Variants in DGKE observed in about 807,000 individuals in gnomAD.
DGKE encodes the protein diacylglycerol kinase epsilon.
A neutral mutation model predicts 70.0 loss-of-function variants in DGKE; 53 were observed. The ratio of observed to expected loss-of-function variants is 0.76; its 90% CI spans 0.61 to 0.95. The LOEUF is 0.95. DGKE is among the 40% of genes least tolerant of loss of function. The probability of loss-of-function intolerance (pLI) is 0.00; values close to 1 mark genes in which losing one functional copy is unlikely to be tolerated. For missense variants in DGKE, 655 were observed against 706.9 expected (o/e 0.93, Z 0.83); for synonymous variants, 291 against 257.0 (o/e 1.13, Z -1.27).
In DGKE at chr17:56,861,800, G is replaced by A. The variant is rs1362392162; in HGVS notation, c.1294G>A (p.Asp432Asn). The change falls in exon 10 of 12, where the codon GAT becomes AAT. Residue 432 changes from aspartate to asparagine, a missense_variant. Asp to Asn is a conservative substitution (Grantham distance 23). Coordinates refer to ENST00000284061, the MANE Select transcript of DGKE (RefSeq NM_003647.3). Reference sequence around the variant, plus strand: ...TTGTATTTCTTTAAAGCTAGAACTGGATGGTGAGCGAGTAGCACTGCCCAG... The same window carrying A: ...TTGTATTTCTTTAAAGCTAGAACTGAATGGTGAGCGAGTAGCACTGCCCAG... ...DLNKKVELELDGERVALPSLE... is the reference protein window; with the variant it reads ...DLNKKVELELNGERVALPSLE... 54 of 1,612,650 alleles carry A rather than the reference G, an allele frequency of 3.3e-5. No homozygotes were observed. Among genetic ancestry groups the A allele is most frequent in the Non-Finnish European group, 4.6e-5 (54 of 1,179,710 alleles).
intron 7 of DGKE, among the ~76,000 whole-genome samples, chr17:56,853,948 G>A (rs747421017): frequency 7.4e-5 from 11 of 149,570 alleles, no homozygotes; most frequent in Non-Finnish European, 1.2e-4. Flanking sequence ...TTTTAAGTAT[G>A]CCATATATAC....
intron 3 of DGKE, 127 bp downstream of exon 3, chr17:56,844,305 C>A (rs1907162874): frequency 1.7e-6 from 1 of 601,898 alleles, no homozygotes; most frequent in Non-Finnish European, 2.5e-6. Context: ...AATAACAGAT[C>A]AAGACCAAGG....
chr17:56,861,974 T>A (rs1908321288), intron 10 of DGKE, 56 bp downstream of exon 10: 1 of 1,541,652 alleles, frequency 6.5e-7, no homozygotes, highest in African/African-American at 1.4e-5. Flanking sequence ...AAGCAATCTC[T>A]TGTTTATAGA....
intron 2 of DGKE, among the ~76,000 whole-genome samples, chr17:56,840,113 G>A (rs554204422): frequency 1.8e-4 from 27 of 152,202 alleles, no homozygotes; most frequent in Admixed American, 3.9e-4. Context: ...GCTGTGAGCC[G>A]AGATCGCGCC....
chr17:56,859,017 A>G (rs1051933466), intron 9 of DGKE, among the ~76,000 whole-genome samples: 10 of 152,200 alleles, frequency 6.6e-5, no homozygotes, highest in Non-Finnish European at 1.2e-4. Context: ...AGTGGCCTCC[A>G]TTCATACATG....
rs972843644 is a variant in DGKE, at chr17:56,835,173, C to T, written c.378C>T (p.His126=). Residue 126 remains histidine (H), a synonymous_variant, in exon 2 of 12, where the codon CAC becomes CAT. Coordinates refer to ENST00000284061, the MANE Select transcript of DGKE (RefSeq NM_003647.3). ...AGGTCCTGGACGCCATGCCCCACCA[C>T]TGGATCCGGGGCAACGTGCCCCTGT... ...DTKVLDAMPH[H]WIRGNVPLCS... 6.2e-7 allele frequency: 1 copy of T among 1,614,150 alleles called. No homozygotes were observed. The highest frequency in any genetic ancestry group is 8.5e-7 in the Non-Finnish European group (1 of 1,180,046).
chr17:56,835,629 TTTCCC>T (rs1172217334), intron 2 of DGKE: 1 of 337,050 alleles, frequency 3.0e-6, no homozygotes, highest in Non-Finnish European at 5.3e-6. Context: ...CAAATTAACT[TTTCCC>T]TTCAGCCGCA....
intron 5 of DGKE, 50 bp downstream of exon 5, chr17:56,848,115 T>TGTAC (rs1907415706): frequency 2.6e-6 from 2 of 768,126 alleles, no homozygotes; most frequent in Non-Finnish European, 3.3e-6. Flanking sequence ...ATAAATATAC[T>TGTAC]ATACATATAT....
At chr17:56,859,821 A>G (rs924354317) in intron 9 of DGKE, among the ~76,000 whole-genome samples, 1 of 152,256 alleles carries the variant, frequency 6.6e-6, no homozygotes, top group Non-Finnish European at 1.5e-5. Flanking sequence ...TAGAACTGAT[A>G]AAATAAATAA....
At chr17:56,834,294 C>T (rs1906405699) in intron 1 of DGKE, 34 bp downstream of exon 1, 1 of 154,182 alleles carries the variant, frequency 6.5e-6, no homozygotes, top group African/African-American at 2.4e-5. Context: ...GCGCAGGTCT[C>T]CGGAGGCCTC....
intron 7 of DGKE, among the ~76,000 whole-genome samples, chr17:56,855,903 G>A (rs1193428986): frequency 1.3e-5 from 2 of 151,820 alleles, no homozygotes; most frequent in African/African-American, 4.8e-5. Flanking sequence ...CTACTCAGGA[G>A]GCTGAGGCAG....
Position 56,848,013 on chromosome 17 carries a change from G to C in DGKE, c.836G>C (p.Gly279Ala). ...YYSARVLVCG[G>A]DGTVGWVLDA... ...TCAGCTCGAGTACTTGTTTGTGGAG[G>C]GGATGGGACTGTAGGGTGGGTCCTG... The change falls in exon 5 of 12, where the codon GGG becomes GCG. Residue 279 changes from glycine (G) to alanine (A), a missense_variant. Physicochemically the swap from Gly to Ala is moderately conservative, Grantham distance 60. Transcript: ENST00000284061. The C allele has an allele frequency of 6.2e-7, 1 of 1,607,960 alleles. No homozygotes were observed. The highest frequency in any genetic ancestry group is 8.5e-7 in the Non-Finnish European group (1 of 1,176,694).
chr17:56,835,948 A>G (rs1023119805), intron 2 of DGKE: 2 of 152,284 alleles, frequency 1.3e-5, no homozygotes, highest in African/African-American at 4.8e-5. Flanking sequence ...GATGTTGGAA[A>G]TTGGTAAAGG....
chr17:56,834,951 G>C lies in DGKE; in HGVS notation c.156G>C (p.Arg52Ser). The C allele has an allele frequency of 6.2e-7, 1 of 1,613,232 alleles. No homozygotes were observed. Among genetic ancestry groups the C allele is most frequent in the Middle Eastern group, 1.6e-4 (1 of 6,062 alleles). The change falls in exon 2 of 12, where the codon AGG becomes AGC. Residue 52 changes from arginine to serine, a missense_variant. Arg to Ser is a moderately radical substitution (Grantham distance 110, BLOSUM62 -1). Coordinates refer to ENST00000284061, the MANE Select transcript of DGKE (RefSeq NM_003647.3). ...GGTCGCGCCGGCAGCTGCACCGCAGGGACATCTTCCGCAAGAGCAAGCACG... is the reference window on the plus strand; with the variant it reads ...GGTCGCGCCGGCAGCTGCACCGCAGCGACATCTTCCGCAAGAGCAAGCACG... ...LQRSRRQLHR[R>S]DIFRKSKHGW... is the part of the protein sequence containing the mutation.
intron 3 of DGKE, among the ~76,000 whole-genome samples, 194 bp downstream of exon 3, chr17:56,844,372 G>C (rs1407309351): frequency 6.6e-6 from 1 of 152,106 alleles, no homozygotes; most frequent in Admixed American, 6.6e-5. Flanking sequence ...TCCTAGAGAT[G>C]GGTCAAAAAT....
intron 9 of DGKE, among the ~76,000 whole-genome samples, 191 bp from the exon 10 acceptor site, chr17:56,861,600 G>C (rs975089385): frequency 4.6e-5 from 7 of 152,212 alleles, no homozygotes; most frequent in Non-Finnish European, 1.0e-4. Context: ...TATTGTTGAT[G>C]TTGATAGAAG....
intron 2 of DGKE, among the ~76,000 whole-genome samples, chr17:56,843,564 G>T (rs976108800): frequency 6.6e-6 from 1 of 152,082 alleles, no homozygotes; most frequent in Non-Finnish European, 1.5e-5. Context: ...ATGGGAGGCC[G>T]AGGTGGGTGG....
In DGKE at chr17:56,862,939, C is replaced by A; in HGVS notation, c.*148C>A. ...GTATACATTTTTGTAAATAGCATCCCCAAACCAGCCAGCCTTCAGTTATTT... is the reference window on the plus strand; with the variant it reads ...GTATACATTTTTGTAAATAGCATCCACAAACCAGCCAGCCTTCAGTTATTT... On this transcript the variant is annotated 3_prime_UTR_variant, in exon 12 of 12. Coordinates refer to ENST00000284061, the MANE Select transcript of DGKE (RefSeq NM_003647.3). 1 of 526,496 alleles carries A rather than the reference C, an allele frequency of 1.9e-6. No individual in the cohort carries two copies. The highest frequency in any genetic ancestry group is 3.0e-6 in the Non-Finnish European group (1 of 337,762). The allele number at this position is 526,496 out of a possible 1,614,324, so 32.6% of individuals were successfully genotyped here.
intron 2 of DGKE, chr17:56,836,211 TAA>T (rs1906607795): frequency 5.3e-5 from 2 of 37,892 alleles, no homozygotes; most frequent in East Asian, 2.8e-3. Flanking sequence ...TTAATTTTTT[TAA>T]TTTTTTTTGC....
Sources: allele counts gnomAD v4.1 joint callset (sites outside exome capture counted in the v4.1 genomes callset), GRCh38; gene constraint gnomAD v4.1.1; transcripts MANE v1.5; gene names NCBI Gene and HGNC (gene_info 2026-07-23, HGNC 2026-07-21).